COL3A1: variants seen among roughly 807,000 people sequenced by gnomAD.
COL3A1 encodes collagen type III alpha 1 chain, also known as collagen alpha-1(III) chain.
A neutral mutation model predicts 200.9 loss-of-function variants in COL3A1; 46 were observed. That is an observed-to-expected ratio of 0.23 (90% CI 0.18 to 0.29). The LOEUF is 0.29. Ranked by LOEUF, COL3A1 falls within the 10% of genes least tolerant of loss-of-function variation. COL3A1 has a pLI of 1.00. For missense variants in COL3A1, 1,367 were observed against 1,917.6 expected (o/e 0.71, Z 5.36); for synonymous variants, 650 against 628.0 (o/e 1.03, Z -0.52).
Position 189,005,261 on chromosome 2 carries a change from T to C in COL3A1, c.2932-89T>C, listed in dbSNP as rs963547017. ...TCAATGAAGATTAAATAAAATAAGT[T>C]TTTTACCTGAAAATAAAGATATCTG... On this transcript the variant is annotated intron_variant, in intron 40 of 50. Coordinates refer to ENST00000304636, the MANE Select transcript of COL3A1 (RefSeq NM_000090.4). 2.4e-6 allele frequency: 3 copies of C among 1,237,922 alleles called. No individual in the cohort carries two copies. The East Asian group carries it at 7.0e-5, about 29-fold the overall frequency. 76.7% of individuals were successfully genotyped at this position (1,237,922 alleles called of 1,614,324 possible).
At position 189,011,705 on chromosome 2, in the gene COL3A1, T is replaced by C. The variant is rs1285255181; in HGVS notation, c.4332T>C (p.Ile1444=). 3.7e-6 allele frequency: 6 copies of C among 1,614,076 alleles called. No homozygotes were observed. In the South Asian group the frequency reaches 6.6e-5, roughly 18 times the overall value. The change falls in exon 51 of 51, where the codon ATT becomes ATC. Residue 1444 remains isoleucine, a synonymous_variant. Coordinates refer to ENST00000304636, the MANE Select transcript of COL3A1 (RefSeq NM_000090.4). ...RKAVRLPIVD[I]APYDIGGPDQ... is the part of the protein sequence containing the mutation. ...CTGTGAGACTACCTATTGTAGATAT[T>C]GCACCCTATGACATTGGTGGTCCTG...
chr2:188,985,173 A>T, intron 2 of COL3A1, 24 bp from the exon 3 acceptor site: 2 of 1,609,668 alleles, frequency 1.2e-6, no homozygotes, highest in Non-Finnish European at 1.7e-6. Flanking sequence ...GTCTTGTTTA[A>T]CTTGTTTCTT....
rs1688747047 is a variant in COL3A1 at position 189,012,375 on chromosome 2, C to T, written c.*601C>T. 2 of 152,672 alleles carry T rather than the reference C, an allele frequency of 1.3e-5. No homozygotes were observed. The highest frequency in any genetic ancestry group is 1.3e-4 in the Admixed American group (2 of 15,308). The allele number at this position is 152,672 out of a possible 1,614,324, so 9.5% of individuals were successfully genotyped here. A position where few individuals can be genotyped will look rare whatever the true frequency, so the allele number is the denominator to read the frequency against. On this transcript the variant is annotated 3_prime_UTR_variant, in exon 51 of 51. Transcript: ENST00000304636. ...TTATTTTAATATTGGATATCAACTG[C>T]TTGTAAAGGTGCTCCTCTTTTTTCT...
chr2:188,985,750 T>C lies in COL3A1; in HGVS notation c.419T>C (p.Ile140Thr), dbSNP rs750849196. Residue 140 changes from isoleucine to threonine, a missense_variant, in exon 4 of 51, where the codon ATC becomes ACC. Ile to Thr is a moderately conservative substitution (Grantham distance 89). This residue lies in a region of COL3A1 where 462 missense variants were observed against 681.4 expected (regional missense o/e 0.68). Transcript: ENST00000304636. ...CCTGGTTCTCCTGGCCCCCCTGGAATCTGTGAATCATGCCCTACTGGTCCT... is the reference window on the plus strand; with the variant it reads ...CCTGGTTCTCCTGGCCCCCCTGGAACCTGTGAATCATGCCCTACTGGTCCT... ...GSPGSPGPPG[I>T]CESCPTGPQN... 7 of 1,611,758 alleles carry C rather than the reference T, an allele frequency of 4.3e-6. No homozygotes were observed. Among genetic ancestry groups the C allele is most frequent in the Non-Finnish European group, 5.9e-6 (7 of 1,178,742 alleles).
chr2:188,991,584 AC>A, intron 12 of COL3A1, 53 bp downstream of exon 12: 1 of 1,599,530 alleles, frequency 6.3e-7, no homozygotes, highest in Non-Finnish European at 8.6e-7. Flanking sequence ...CCTCATTGTT[AC>A]CTAAAACTGG....
chr2:188,985,844 T>G lies in COL3A1; in HGVS notation c.447+66T>G, dbSNP rs185934193. ...TATCTAGTTCATCTTCTTTCTTTAC[T>G]CGATATTACGTCTCACTATTATGAG... On this transcript the variant is annotated intron_variant, in intron 4 of 50. Coordinates refer to ENST00000304636, the MANE Select transcript of COL3A1 (RefSeq NM_000090.4). 1.7e-4 allele frequency: 178 copies of G among 1,042,654 alleles called. No individual in the cohort carries two copies. The African/African-American group carries it at 2.6e-3, about 15-fold the overall frequency. The allele number at this position is 1,042,654 out of a possible 1,614,324, so 64.6% of individuals were successfully genotyped here. A position where few individuals can be genotyped will look rare whatever the true frequency, so the allele number is the denominator to read the frequency against.
chr2:189,005,962 T>C (rs1335381583), intron 41 of COL3A1, among the ~76,000 whole-genome samples: 1 of 152,058 alleles, frequency 6.6e-6, no homozygotes, highest in African/African-American at 2.4e-5. Context: ...TTATTAGAGG[T>C]CTGTAAAGAC....
chr2:189,003,322 A>G, intron 36 of COL3A1, 89 bp from the exon 37 acceptor site: 2 of 1,133,294 alleles, frequency 1.8e-6, no homozygotes, highest in Non-Finnish European at 2.7e-6. Context: ...TAACCTCTTC[A>G]TAGAGTTCCT....
chr2:188,980,719 T>G (rs1039586384), intron 1 of COL3A1, among the ~76,000 whole-genome samples: 4 of 150,910 alleles, frequency 2.7e-5, no homozygotes, highest in African/African-American at 9.7e-5. Flanking sequence ...ATCTAACATA[T>G]TTTAAGATAC....
At chr2:188,974,632 G>T in intron 1 of COL3A1, 64 bp downstream of exon 1, 1 of 1,274,082 alleles carries the variant, frequency 7.8e-7, no homozygotes, top group Non-Finnish European at 1.1e-6. Context: ...TCACAAAGAG[G>T]GGTGTAAAGG....
chr2:188,995,884 G>C, intron 22 of COL3A1, 94 bp downstream of exon 22: 1 of 1,158,808 alleles, frequency 8.6e-7, no homozygotes, highest in South Asian at 1.4e-5. Context: ...AAATCAATCA[G>C]ATTACATATT....
intron 14 of COL3A1, among the ~76,000 whole-genome samples, chr2:188,992,644 A>C (rs1688212663): frequency 6.6e-6 from 1 of 152,304 alleles, no homozygotes; most frequent in African/African-American, 2.4e-5. Context: ...CCCAGGGAAA[A>C]GTAGCCTGCA....
intron 48 of COL3A1, among the ~76,000 whole-genome samples, chr2:189,009,824 G>A (rs1355272163): frequency 2.6e-5 from 4 of 152,036 alleles, no homozygotes; most frequent in Non-Finnish European, 5.9e-5. Context: ...TAGAACTATT[G>A]GAACAAATCT....
chr2:189,001,940 T>C (rs1454310204), intron 34 of COL3A1, among the ~76,000 whole-genome samples: 2 of 152,342 alleles, frequency 1.3e-5, no homozygotes, highest in African/African-American at 4.8e-5. Flanking sequence ...GATTTAAGAC[T>C]CTGGAAAGAT....
rs772644309 is a variant in COL3A1, at chr2:189,004,157, T to C, written c.2823+14T>C. 5 of 1,613,716 alleles carry C rather than the reference T, an allele frequency of 3.1e-6. No individual in the cohort carries two copies. The South Asian group carries it at 4.4e-5, about 14-fold the overall frequency. ...CAGGGCCCACCAGTAAGTAACTTCA[T>C]TTTTTTAAATTGATTCTACTATTTT... On this transcript the variant is annotated intron_variant, in intron 39 of 50. Coordinates refer to ENST00000304636, the MANE Select transcript of COL3A1 (RefSeq NM_000090.4).
rs369590025 is a variant in COL3A1 at position 189,006,188 on chromosome 2, T to G, written c.3040-18T>G. Reference sequence around the variant, plus strand: ...AAGGTTTCAAGAAATTTTATTTCCTTTCTCATTTTTTAATCAGGGAAACCC... The same window carrying G: ...AAGGTTTCAAGAAATTTTATTTCCTGTCTCATTTTTTAATCAGGGAAACCC... On this transcript the variant is annotated intron_variant, in intron 41 of 50. Coordinates refer to ENST00000304636, the MANE Select transcript of COL3A1 (RefSeq NM_000090.4). The G allele has an allele frequency of 1.8e-5, 29 of 1,613,958 alleles. No individual in the cohort carries two copies. The African/African-American group carries it at 3.2e-4, about 18-fold the overall frequency.
chr2:188,996,316 A>ACG (rs1688316260), intron 23 of COL3A1, 82 bp from the exon 24 acceptor site: 1 of 1,040,002 alleles, frequency 9.6e-7, no homozygotes, highest in African/African-American at 1.6e-5. Flanking sequence ...ACACACACAC[A>ACG]CACACACACA....
At chr2:188,989,301 A>G in intron 7 of COL3A1, 95 bp from the exon 8 acceptor site, 1 of 847,846 alleles carries the variant, frequency 1.2e-6, no homozygotes. Flanking sequence ...TATTTTCTAA[A>G]AGGAGGTTCC....
At chr2:188,985,637 A>G (rs1349263488) in intron 3 of COL3A1, 28 bp from the exon 4 acceptor site, 7 of 1,444,146 alleles carry the variant, frequency 4.8e-6, no homozygotes, top group Admixed American at 3.6e-5. Flanking sequence ...ATTTTTCACT[A>G]TTTAATTTAT....
Sources: allele counts gnomAD v4.1 joint callset (sites outside exome capture counted in the v4.1 genomes callset), GRCh38; gene constraint gnomAD v4.1.1; regional missense constraint gnomAD v4.1.1; transcripts MANE v1.5; gene names NCBI Gene and HGNC (gene_info 2026-07-23, HGNC 2026-07-21).